SV2C: variants seen among roughly 807,000 people sequenced by gnomAD.
SV2C encodes solute carrier family 22 member B3.
In SV2C, 49 loss-of-function variants were observed where a neutral mutation model predicts 79.7. The ratio of observed to expected loss-of-function variants is 0.61; its 90% CI spans 0.49 to 0.78. SV2C has a LOEUF of 0.78. Ranked by LOEUF, SV2C falls within the 30% of genes least tolerant of loss-of-function variation. SV2C has a pLI of 0.00. For synonymous variants in SV2C, 334 were observed against 333.2 expected (o/e 1.00, Z -0.03); for missense variants, 833 against 912.9 (o/e 0.91, Z 1.13).
the SV2C span, among the ~76,000 whole-genome samples, chr5:75,924,708 T>C: frequency 6.6e-6 from 1 of 152,146 alleles, no homozygotes; most frequent in Non-Finnish European, 1.5e-5. Context: ...GCTACCCCAA[T>C]TGACTGTCTG....
chr5:76,004,263 G>C, the SV2C span, among the ~76,000 whole-genome samples: 1 of 152,142 alleles, frequency 6.6e-6, no homozygotes, highest in African/African-American at 2.4e-5. Flanking sequence ...TACACTACCA[G>C]AAAATTCTTC....
chr5:76,041,254 A>T, the SV2C span, among the ~76,000 whole-genome samples: 2 of 152,220 alleles, frequency 1.3e-5, no homozygotes, highest in African/African-American at 2.4e-5. Flanking sequence ...CTGGACTAGA[A>T]GGCCAGGTTC....
At chr5:76,117,374 T>C (rs1039630085) in intron 1 of SV2C, among the ~76,000 whole-genome samples, 3 of 152,214 alleles carry the variant, frequency 2.0e-5, no homozygotes, top group Admixed American at 6.6e-5. Flanking sequence ...GCTTGAATAA[T>C]AGATGTCTTT....
chr5:76,339,357 C>G (rs947124195), intron 12 of SV2C, among the ~76,000 whole-genome samples: 2 of 152,056 alleles, frequency 1.3e-5, no homozygotes, highest in African/African-American at 2.4e-5. Context: ...ATATCATTGC[C>G]TATATAGAGA....
intron 4 of SV2C, among the ~76,000 whole-genome samples, chr5:76,238,190 C>A (rs1024346788): frequency 1.3e-5 from 2 of 152,068 alleles, no homozygotes; most frequent in African/African-American, 4.8e-5. Flanking sequence ...TATTATCCAT[C>A]CCTTTGTCTT....
At chr5:75,901,635 T>C in the SV2C span, among the ~76,000 whole-genome samples, 1 of 152,218 alleles carries the variant, frequency 6.6e-6, no homozygotes, top group East Asian at 1.9e-4. Flanking sequence ...ACAGGGACAT[T>C]TACGTCTGCA....
chr5:76,053,885 T>C, the SV2C span, among the ~76,000 whole-genome samples: 1 of 152,058 alleles, frequency 6.6e-6, no homozygotes, highest in African/African-American at 2.4e-5. Flanking sequence ...GTGGTGAAGA[T>C]CAAATGTAAT....
At chr5:75,929,422 G>C in the SV2C span, among the ~76,000 whole-genome samples, 1 of 151,834 alleles carries the variant, frequency 6.6e-6, no homozygotes, top group African/African-American at 2.4e-5. Context: ...GCATCTGCTT[G>C]GGGGAACTTA....
rs117246423 is a variant in SV2C at position 76,095,310 on chromosome 5, A to G, written c.-102+11798A>G. Among the ~76,000 whole-genome samples, 262 of 152,170 alleles carry G rather than the reference A, an allele frequency of 1.7e-3. 7 individuals are homozygous for G. In the East Asian group the frequency reaches 0.049, roughly 28 times the overall value. ...ATTACTGATACATTATTATTAACTG[A>G]AGTAGTAGAATTTCATTGATATGCC... On this transcript the variant is annotated intron_variant, in intron 1 of 12. Coordinates refer to ENST00000502798, the MANE Select transcript of SV2C (RefSeq NM_014979.4).
chr5:76,257,259 GTGTA>G (rs1746300948), intron 4 of SV2C, among the ~76,000 whole-genome samples: 2 of 35,572 alleles, frequency 5.6e-5, no homozygotes, highest in African/African-American at 1.5e-4. Flanking sequence ...GGGGGCTGTA[GTGTA>G]TGTGTGTGTG....
intron 2 of SV2C, among the ~76,000 whole-genome samples, chr5:76,192,145 T>C (rs529780163): frequency 2.0e-5 from 3 of 152,334 alleles, no homozygotes; most frequent in African/African-American, 7.2e-5. Flanking sequence ...AAAAATGTAT[T>C]AGAAATGTTG....
chr5:75,888,235 G>A, the SV2C span, among the ~76,000 whole-genome samples: 1 of 151,828 alleles, frequency 6.6e-6, no homozygotes, highest in Non-Finnish European at 1.5e-5. Flanking sequence ...AACCAGGTGG[G>A]GGCGATGCTT....
chr5:76,035,397 A>G, the SV2C span, among the ~76,000 whole-genome samples: 2 of 151,660 alleles, frequency 1.3e-5, no homozygotes, highest in African/African-American at 2.4e-5. Flanking sequence ...AGTGCTGTAA[A>G]TTTCCCTCTA....
chr5:76,116,462 C>A (rs1290411663), intron 1 of SV2C, among the ~76,000 whole-genome samples: 1 of 152,142 alleles, frequency 6.6e-6, no homozygotes, highest in Non-Finnish European at 1.5e-5. Flanking sequence ...TGAGGGAAGT[C>A]CCCCCTCTGC....
At chr5:75,892,503 GAGGTTTGGGGT>G in the SV2C span, among the ~76,000 whole-genome samples, 15 of 151,866 alleles carry the variant, frequency 9.9e-5, no homozygotes, top group Non-Finnish European at 1.9e-4. Flanking sequence ...GCATGATGCT[GAGGTTTGGGGT>G]ACGATTAAAT....
intron 4 of SV2C, chr5:76,281,165 G>T: frequency 3.7e-6 from 2 of 538,592 alleles, no homozygotes; most frequent in South Asian, 2.8e-5. Flanking sequence ...TCACAACTAG[G>T]TTTAATAGAA....
chr5:75,904,046 G>A, the SV2C span, among the ~76,000 whole-genome samples: 2,024 of 152,214 alleles, frequency 0.013, 35 homozygotes, highest in African/African-American at 0.042. Flanking sequence ...AGAGTTTTAC[G>A]TAAGCACACG....
chr5:75,981,511 A>G, the SV2C span, among the ~76,000 whole-genome samples: 1 of 152,228 alleles, frequency 6.6e-6, no homozygotes, highest in South Asian at 2.1e-4. Flanking sequence ...TCTGGTACAA[A>G]AACAGGTACA....
intron 4 of SV2C, among the ~76,000 whole-genome samples, chr5:76,263,356 G>A (rs540406267): frequency 2.0e-5 from 3 of 152,040 alleles, no homozygotes; most frequent in Admixed American, 6.6e-5. Context: ...GCCTATGTGT[G>A]TCTTTGCATG....
Sources: allele counts gnomAD v4.1 joint callset (sites outside exome capture counted in the v4.1 genomes callset), GRCh38; gene constraint gnomAD v4.1.1; transcripts MANE v1.5; gene names NCBI Gene and HGNC (gene_info 2026-07-23, HGNC 2026-07-21).